Variants in TBXAS1 observed in about 807,000 individuals in gnomAD.
TBXAS1 encodes the protein thromboxane-A synthase.
A neutral mutation model predicts 60.7 loss-of-function variants in TBXAS1; 48 were observed. That is an observed-to-expected ratio of 0.79 (90% CI 0.63 to 1.01). The LOEUF (loss-of-function observed/expected upper bound fraction) is 1.01. TBXAS1 is among the 50% of genes least tolerant of loss of function. The pLI, the probability that TBXAS1 is intolerant of heterozygous loss-of-function variation, is 0.00. For synonymous variants in TBXAS1, 287 were observed against 269.7 expected, an observed-to-expected ratio of 1.06 and a Z score of -0.63; for missense variants, 685 against 686.3, an observed-to-expected ratio of 1.00 and a Z score of 0.02.
In TBXAS1 at chr7:139,896,747, G is replaced by A. The variant is rs1425557544; in HGVS notation, c.237-14478G>A. On this transcript the variant is annotated intron_variant, in intron 3 of 12. Coordinates refer to ENST00000448866, the MANE Select transcript of TBXAS1 (RefSeq NM_001061.7). This position sits in a 1 kb window ranked among gnomAD's most constrained non-coding sequence, Gnocchi z 4.0. ...ACATTACTGAGTCACTAAGGGCACCGTGAACTGAGAACGTTTGGAAACACA... is the reference window on the plus strand; with the variant it reads ...ACATTACTGAGTCACTAAGGGCACCATGAACTGAGAACGTTTGGAAACACA... Among the ~76,000 whole-genome samples the A allele has an allele frequency of 1.3e-5, 2 of 152,272 alleles. No individual in the cohort carries two copies. The highest frequency in any genetic ancestry group is 3.4e-3 in the Middle Eastern group (1 of 294).
chr7:139,833,224 C>T (rs1405627165), intron 1 of TBXAS1, among the ~76,000 whole-genome samples: 3 of 152,250 alleles, frequency 2.0e-5, no homozygotes, highest in African/African-American at 4.8e-5. Context: ...ACTCACCAAC[C>T]AACTATCTGC....
intron 1 of TBXAS1, among the ~76,000 whole-genome samples, chr7:139,835,300 C>A (rs951416101): frequency 1.3e-5 from 2 of 152,120 alleles, no homozygotes. Context: ...GATCTCCTGA[C>A]CTCGTGGTCC....
chr7:139,946,583 G>T (rs918800003), intron 5 of TBXAS1, among the ~76,000 whole-genome samples: 4 of 152,180 alleles, frequency 2.6e-5, no homozygotes, highest in African/African-American at 9.7e-5. Context: ...GATGAGGCAA[G>T]AACAGATGGC....
intron 4 of TBXAS1, among the ~76,000 whole-genome samples, chr7:139,817,817 T>C (rs1442524444): frequency 6.6e-6 from 1 of 152,252 alleles, no homozygotes; most frequent in African/African-American, 2.4e-5. Context: ...AATAAACTGA[T>C]ATATTTTATA....
chr7:139,874,539 C>T (rs971666757), intron 2 of TBXAS1, among the ~76,000 whole-genome samples: 5 of 152,186 alleles, frequency 3.3e-5, no homozygotes, highest in African/African-American at 7.2e-5. Context: ...GGCAAGCTTA[C>T]GCTGCAGAAT....
chr7:139,799,075 C>CT (rs59263161), intron 4 of TBXAS1, among the ~76,000 whole-genome samples: 7,075 of 118,636 alleles, frequency 0.06, 770 homozygotes, highest in African/African-American at 0.22. Flanking sequence ...CCATACACTG[C>CT]TTTTTTTTTT....
At chr7:139,962,363 C>A in intron 9 of TBXAS1, 130 bp downstream of exon 9, 1 of 1,144,838 alleles carries the variant, frequency 8.7e-7, no homozygotes, top group Non-Finnish European at 1.3e-6. Flanking sequence ...GAAATAGGGT[C>A]ATTGCTTGGC....
At position 139,972,231 on chromosome 7, in the gene TBXAS1, A is replaced by C. The variant is rs559886229; in HGVS notation, c.1134+9998A>C. On this transcript the variant is annotated intron_variant, in intron 9 of 12. Coordinates refer to ENST00000448866, the MANE Select transcript of TBXAS1 (RefSeq NM_001061.7). ...CCAGGAATGGGTCACACCAATCAGC[A>C]TGTATGTGGTGTCTTTCATGTAGCA... is the stretch of plus-strand genomic sequence containing the variant. Among the ~76,000 whole-genome samples, 502 of 152,334 alleles carry C rather than the reference A, an allele frequency of 3.3e-3. 4 individuals are homozygous for C. Among genetic ancestry groups the C allele is most frequent in the Non-Finnish European group, 4.8e-3 (329 of 68,028 alleles).
At position 139,845,304 on chromosome 7, in the gene TBXAS1, C is replaced by G. The variant is rs146569143; in HGVS notation, c.89+15825C>G. Among the ~76,000 whole-genome samples, 201 of 152,194 alleles carry G rather than the reference C, an allele frequency of 1.3e-3. 1 individual carries two copies. Among genetic ancestry groups the G allele is most frequent in the African/African-American group, 4.7e-3 (195 of 41,520 alleles). ...GCCTGGCTCCTGAAGCCCCCTCTGACCTGGTCCCCTGCCCCTCTGCAGGTT... is the reference window on the plus strand; with the variant it reads ...GCCTGGCTCCTGAAGCCCCCTCTGAGCTGGTCCCCTGCCCCTCTGCAGGTT... On this transcript the variant is annotated intron_variant, in intron 1 of 12. Transcript: ENST00000448866.
In TBXAS1 at chr7:139,953,879, T is replaced by TAAAACA. The variant is rs1809623353; in HGVS notation, c.539+423_539+424insAAAACA. Among the ~76,000 whole-genome samples the TAAAACA allele has an allele frequency of 3.9e-5, 6 of 152,260 alleles. No homozygotes were observed. In the East Asian group the frequency reaches 1.2e-3, roughly 29 times the overall value. On this transcript the variant is annotated intron_variant, in intron 6 of 12. Transcript: ENST00000448866. ...TTTTCGTCATTTTGTAACTAAAAGGTTTTTGCTTTAAAAAAACATCTTTAG... is the reference window on the plus strand; with the variant it reads ...TTTTCGTCATTTTGTAACTAAAAGGTAAAACATTTTGCTTTAAAAAAACATCTTTAG...
intron 4 of TBXAS1, chr7:139,789,747 C>T (rs112607696): frequency 0.014 from 2,078 of 152,104 alleles, 42 homozygotes; most frequent in African/African-American, 0.048. Context: ...TCTCCTGCCT[C>T]AGCCTCCCGA....
chr7:139,886,386 A>ATTTTTTTTTTTTTTTT (rs8192818), intron 3 of TBXAS1, among the ~76,000 whole-genome samples: 1 of 99,636 alleles, frequency 1.0e-5, no homozygotes, highest in African/African-American at 4.1e-5. Context: ...TTGCAGATGA[A>ATTTTTTTTTTTTTTTT]TTTTTTTTTT....
At chr7:139,921,501 C>T (rs948326166) in intron 4 of TBXAS1, among the ~76,000 whole-genome samples, 2 of 152,092 alleles carry the variant, frequency 1.3e-5, no homozygotes, top group African/African-American at 4.8e-5. Flanking sequence ...GAGTTCGAGA[C>T]TGGCCTGGGC....
rs1481604273 is a variant in TBXAS1 at position 139,975,873 on chromosome 7, C to T, written c.1134+13640C>T. Reference sequence around the variant, plus strand: ...TCCCCTGACATCCCTACCTCCCTGACGCTTAACCCACATAGGGAAGAACAT... The same window carrying T: ...TCCCCTGACATCCCTACCTCCCTGATGCTTAACCCACATAGGGAAGAACAT... On this transcript the variant is annotated intron_variant, in intron 9 of 12. Transcript: ENST00000448866. This position sits in a 1 kb window ranked among gnomAD's most constrained non-coding sequence, Gnocchi z 4.4. Among the ~76,000 whole-genome samples, 3 of 152,204 alleles carry T rather than the reference C, an allele frequency of 2.0e-5. No individual in the cohort carries two copies. The highest frequency in any genetic ancestry group is 2.1e-4 in the South Asian group (1 of 4,832).
In TBXAS1 at chr7:139,909,054, C is replaced by T. The variant is rs143937581; in HGVS notation, c.237-2171C>T. ...ACCTGCTGTCCTTTGAACTGGTGTT[C>T]CCTATAGATAATACATTATTTCTCT... On this transcript the variant is annotated intron_variant, in intron 3 of 12. Coordinates refer to ENST00000448866, the MANE Select transcript of TBXAS1 (RefSeq NM_001061.7). Among the ~76,000 whole-genome samples the T allele has an allele frequency of 7.0e-3, 1,061 of 152,244 alleles. 15 individuals are homozygous for T. Among genetic ancestry groups the T allele is most frequent in the African/African-American group, 0.025 (1,034 of 41,548 alleles).
intron 9 of TBXAS1, among the ~76,000 whole-genome samples, chr7:139,969,103 C>T (rs2117429173): frequency 6.6e-6 from 1 of 152,228 alleles, no homozygotes; most frequent in Admixed American, 6.5e-5. Context: ...AATTTATGAC[C>T]CATTTTCCTT....
chr7:139,944,725 T>A (rs935252263), intron 5 of TBXAS1, among the ~76,000 whole-genome samples: 1 of 152,156 alleles, frequency 6.6e-6, no homozygotes, highest in Non-Finnish European at 1.5e-5. Context: ...CCTCTTCGTG[T>A]GTGGATCAAC....
At chr7:139,889,255 G>A (rs1032668051) in intron 3 of TBXAS1, among the ~76,000 whole-genome samples, 1 of 151,540 alleles carries the variant, frequency 6.6e-6, no homozygotes, top group African/African-American at 2.4e-5. Flanking sequence ...GATCGCTTGA[G>A]CCAGGAAGGC....
At chr7:139,915,103 A>T (rs1805866767) in intron 4 of TBXAS1, among the ~76,000 whole-genome samples, 1 of 152,188 alleles carries the variant, frequency 6.6e-6, no homozygotes, top group African/African-American at 2.4e-5. Context: ...GCATCCACTT[A>T]TGTGTAGCTT....
Sources: allele counts gnomAD v4.1 joint callset (sites outside exome capture counted in the v4.1 genomes callset), GRCh38; gene constraint gnomAD v4.1.1; non-coding constraint Gnocchi (gnomAD v3.1); transcripts MANE v1.5; gene names NCBI Gene and HGNC (gene_info 2026-07-23, HGNC 2026-07-21).